The following PPEF1 variants were observed in gnomAD, a reference collection of about 807,000 sequenced individuals.
PPEF1 encodes serine/threonine-protein phosphatase with EF-hands 1.
Under a neutral mutation model 53.3 loss-of-function variants are expected in PPEF1, and 12 were observed. That is an observed-to-expected ratio of 0.23 (90% CI 0.14 to 0.36). The LOEUF (loss-of-function observed/expected upper bound fraction) is 0.36. Among genes scored for constraint, PPEF1 ranks in the 10% least tolerant of loss-of-function variants. The pLI is 1.00. For synonymous variants in PPEF1, 165 were observed against 176.7 expected, an observed-to-expected ratio of 0.93 and a Z score of 0.52; for missense variants, 334 against 490.4, an observed-to-expected ratio of 0.68 and a Z score of 3.01.
chrX:18,798,313 A>G (rs1307993701), intron 10 of PPEF1, among the ~76,000 whole-genome samples: 1 of 111,782 alleles, frequency 8.9e-6, no homozygotes, highest in African/African-American at 3.2e-5. Flanking sequence ...GATTACAAGC[A>G]TGAGCCACGG....
chrX:18,776,434 G>A (rs1312655167), intron 6 of PPEF1, among the ~76,000 whole-genome samples: 2 of 110,473 alleles, frequency 1.8e-5, no homozygotes, highest in Non-Finnish European at 1.9e-5. Flanking sequence ...AAGGGGTTTC[G>A]CCATGTTTCC....
chrX:18,819,658 C>T (rs980796624), intron 13 of PPEF1, among the ~76,000 whole-genome samples: 10 of 111,761 alleles, frequency 8.9e-5, no homozygotes, highest in African/African-American at 2.0e-4. Context: ...CGCACCATTG[C>T]ACTCCAGCCT....
chrX:18,678,128 C>CAAAAAAAA (rs57502489), upstream of PPEF1, among the ~76,000 whole-genome samples: 1 of 33,770 alleles, frequency 3.0e-5, no homozygotes, highest in African/African-American at 1.3e-4. Flanking sequence ...GAGAACCTGG[C>CAAAAAAAA]AAAAAAAAAA....
At chrX:18,805,626 C>T (rs1272362188) in intron 11 of PPEF1, among the ~76,000 whole-genome samples, 2 of 109,581 alleles carry the variant, frequency 1.8e-5, no homozygotes, top group South Asian at 4.0e-4. Flanking sequence ...AGGTGGATCA[C>T]GAGGTCAAGA....
intron 5 of PPEF1, among the ~76,000 whole-genome samples, chrX:18,699,655 C>T (rs974146776): frequency 9.0e-6 from 1 of 111,410 alleles, no homozygotes; most frequent in African/African-American, 3.3e-5. Flanking sequence ...AGCAAGATTA[C>T]AGGCCAACTT....
intron 10 of PPEF1, among the ~76,000 whole-genome samples, chrX:18,798,478 G>T (rs1569268002): frequency 8.9e-6 from 1 of 111,971 alleles, no homozygotes; most frequent in East Asian, 2.8e-4. Context: ...CTCTTTTTCT[G>T]AAGGGATAGA....
chrX:18,820,608 G>A (rs1204531280), intron 13 of PPEF1, among the ~76,000 whole-genome samples: 2 of 110,440 alleles, frequency 1.8e-5, no homozygotes, highest in Admixed American at 9.7e-5. Context: ...AATGGTGTTG[G>A]TCTCCTGACC....
At chrX:18,811,886 C>T (rs189780286) in intron 12 of PPEF1, among the ~76,000 whole-genome samples, 2 of 110,556 alleles carry the variant, frequency 1.8e-5, no homozygotes, top group East Asian at 5.7e-4. Flanking sequence ...GGATTACAGG[C>T]GTGAGCCACC....
chrX:18,772,134 G>A (rs2045883902), intron 6 of PPEF1, among the ~76,000 whole-genome samples: 1 of 111,416 alleles, frequency 9.0e-6, no homozygotes, highest in East Asian at 2.8e-4. Context: ...AGGCGACAGG[G>A]CAAGACTCTC....
rs763770523 is a variant in PPEF1, at chrX:18,691,095, G to A, written c.-313+1G>A. On this transcript the variant is annotated splice_donor_variant, in intron 4 of 21. Transcript: ENST00000361511. LOFTEE classifies it low-confidence loss of function (5UTR_SPLICE). ...GACCTGATCAAACCTCGAGGGAAAGGTAAGAGAAGAGCACTTAGTGGACCA... is the reference window on the plus strand; with the variant it reads ...GACCTGATCAAACCTCGAGGGAAAGATAAGAGAAGAGCACTTAGTGGACCA... 2.7e-5 allele frequency: 3 copies of A among 111,873 alleles called. No homozygotes were observed. Among genetic ancestry groups the A allele is most frequent in the Non-Finnish European group, 3.8e-5 (2 of 53,169 alleles). 9.2% of individuals were successfully genotyped at this position (111,873 alleles called of 1,213,427 possible).
At chrX:18,766,271 C>G (rs1483854426) in intron 6 of PPEF1, among the ~76,000 whole-genome samples, 3 of 110,110 alleles carry the variant, frequency 2.7e-5, no homozygotes, top group Non-Finnish European at 5.7e-5. Context: ...GAAGCCCCGA[C>G]CATCTGATGA....
chrX:18,730,701 G>A (rs1937233002), intron 2 of PPEF1, among the ~76,000 whole-genome samples: 2 of 110,673 alleles, frequency 1.8e-5, no homozygotes, highest in Admixed American at 1.9e-4. Context: ...AATATACATG[G>A]GTGAGGAAGG....
chrX:18,775,457 T>G (rs986335142), intron 6 of PPEF1, among the ~76,000 whole-genome samples: 2 of 111,470 alleles, frequency 1.8e-5, no homozygotes, highest in Non-Finnish European at 3.8e-5. Flanking sequence ...ACTCCTGACC[T>G]CAAGTGATCC....
chrX:18,809,097 A>ATCTATCTGTCTG lies in PPEF1; in HGVS notation c.1394+2559_1394+2560insGTCTGTCTATCT, dbSNP rs199688475. ...TATATAGATATATCACATTATATCT[A>ATCTATCTGTCTG]TCTATCTATCTATCTATCTATCTAT... On this transcript the variant is annotated intron_variant, in intron 12 of 15. Transcript: ENST00000470157. 3.8e-3 allele frequency among the ~76,000 whole-genome samples: 358 copies of ATCTATCTGTCTG among 93,717 alleles called. 3 individuals are homozygous for ATCTATCTGTCTG. Among genetic ancestry groups the ATCTATCTGTCTG allele is most frequent in the African/African-American group, 0.018 (337 of 18,870 alleles). 81.4% of individuals were successfully genotyped at this position (93,717 alleles called of 115,157 possible).
chrX:18,791,412 T>C (rs2046322435), intron 10 of PPEF1, among the ~76,000 whole-genome samples: 1 of 112,135 alleles, frequency 8.9e-6, no homozygotes, highest in Non-Finnish European at 1.9e-5. Context: ...CACGTCTTGC[T>C]CTTGTTTTGT....
chrX:18,797,628 AG>A (rs757838055), intron 10 of PPEF1, among the ~76,000 whole-genome samples: 1 of 111,831 alleles, frequency 8.9e-6, no homozygotes, highest in Admixed American at 9.5e-5. Context: ...CTTACATTTT[AG>A]GGGGAGGAGT....
At chrX:18,685,329 T>G (rs1008980181) in intron 2 of PPEF1, among the ~76,000 whole-genome samples, 4 of 112,177 alleles carry the variant, frequency 3.6e-5, no homozygotes, top group Non-Finnish European at 5.6e-5. Context: ...ATTAGTAGGT[T>G]GTTTAATTCA....
At chrX:18,819,947 T>A (rs1352411817) in intron 13 of PPEF1, among the ~76,000 whole-genome samples, 1 of 111,281 alleles carries the variant, frequency 9.0e-6, no homozygotes, top group Non-Finnish European at 1.9e-5. Flanking sequence ...AAAGAAAAAA[T>A]CTTTAAAAAG....
chrX:18,735,560 G>A (rs1185965894), intron 3 of PPEF1, among the ~76,000 whole-genome samples: 5 of 111,698 alleles, frequency 4.5e-5, no homozygotes, highest in South Asian at 3.7e-4. Context: ...GTCAGGTAGC[G>A]TGATGCCTCC....
Sources: allele counts gnomAD v4.1 joint callset (sites outside exome capture counted in the v4.1 genomes callset), GRCh38; gene constraint gnomAD v4.1.1; transcripts MANE v1.5; gene names NCBI Gene and HGNC (gene_info 2026-07-23, HGNC 2026-07-21).